The following TENM1 variants were observed in gnomAD, a reference collection of about 807,000 sequenced individuals.
TENM1 encodes the protein teneurin transmembrane protein 1, also known as teneurin-1.
TENM1 carries 35 observed loss-of-function variants against 174.8 expected under a neutral mutation model. That is an observed-to-expected ratio of 0.20 (90% CI 0.15 to 0.27). The LOEUF (loss-of-function observed/expected upper bound fraction) is 0.27, where lower values mean the gene tolerates loss of function less well. TENM1 is among the 10% of genes least tolerant of loss of function. The probability of loss-of-function intolerance (pLI) is 1.00; values close to 1 mark genes in which losing one functional copy is unlikely to be tolerated. For missense variants in TENM1, 1,633 were observed against 2,130.1 expected (o/e 0.77, Z 4.59); for synonymous variants, 781 against 798.7 (o/e 0.98, Z 0.37).
the TENM1 span, among the ~76,000 whole-genome samples, chrX:125,164,535 T>A: frequency 8.9e-6 from 1 of 112,111 alleles, no homozygotes; most frequent in Non-Finnish European, 1.9e-5. Context: ...TGTATTGCAC[T>A]TAAGTCTAAA....
the TENM1 span, among the ~76,000 whole-genome samples, chrX:124,997,777 G>C: frequency 4.5e-5 from 5 of 110,405 alleles, no homozygotes; most frequent in South Asian, 1.9e-3. Context: ...GAGGAGACCT[G>C]AACACAAATT....
the TENM1 span, among the ~76,000 whole-genome samples, chrX:125,117,328 A>C: frequency 9.0e-6 from 1 of 111,515 alleles, no homozygotes; most frequent in African/African-American, 3.3e-5. Context: ...CAGACTGGAT[A>C]AAGAAAATGT....
At chrX:125,090,872 A>C in the TENM1 span, among the ~76,000 whole-genome samples, 1 of 111,828 alleles carries the variant, frequency 8.9e-6, no homozygotes, top group Non-Finnish European at 1.9e-5. Flanking sequence ...GCATGGTATG[A>C]CCAGAAAACA....
At chrX:125,086,059 T>C in the TENM1 span, among the ~76,000 whole-genome samples, 1 of 111,085 alleles carries the variant, frequency 9.0e-6, no homozygotes, top group Admixed American at 9.6e-5. Context: ...TTATGGTTTA[T>C]ACTTGCCTCC....
At chrX:125,073,031 A>G in the TENM1 span, among the ~76,000 whole-genome samples, 1 of 111,314 alleles carries the variant, frequency 9.0e-6, no homozygotes, top group Admixed American at 9.6e-5. Context: ...CTACACAAAT[A>G]TCAAATATAT....
chrX:125,048,550 C>A, the TENM1 span, among the ~76,000 whole-genome samples: 1 of 111,152 alleles, frequency 9.0e-6, no homozygotes, highest in East Asian at 2.8e-4. Flanking sequence ...TATCAATCTA[C>A]CACCATAGAG....
the TENM1 span, among the ~76,000 whole-genome samples, chrX:125,038,410 T>C: frequency 2.7e-5 from 3 of 110,747 alleles, no homozygotes; most frequent in Non-Finnish European, 5.7e-5. Context: ...CCAAACCTCA[T>C]TGATATAGTC....
chrX:124,623,882 C>T (rs936458828), intron 11 of TENM1, among the ~76,000 whole-genome samples: 7 of 111,719 alleles, frequency 6.3e-5, no homozygotes, highest in African/African-American at 2.3e-4. Context: ...CCAGACCACC[C>T]TTGAAGTTGC....
At chrX:124,843,927 T>G (rs2056555049) in intron 3 of TENM1, among the ~76,000 whole-genome samples, 1 of 111,858 alleles carries the variant, frequency 8.9e-6, no homozygotes, top group Non-Finnish European at 1.9e-5. Flanking sequence ...TTCTATGCCG[T>G]AGGAATGCAA....
At chrX:124,651,107 T>C (rs2051297706) in intron 8 of TENM1, among the ~76,000 whole-genome samples, 1 of 112,223 alleles carries the variant, frequency 8.9e-6, no homozygotes, top group Non-Finnish European at 1.9e-5. Flanking sequence ...AATATTTTCT[T>C]GTCTTTTAAA....
At chrX:124,981,001 T>C in the TENM1 span, among the ~76,000 whole-genome samples, 1 of 112,367 alleles carries the variant, frequency 8.9e-6, no homozygotes, top group South Asian at 3.7e-4. Context: ...CATGTTCATA[T>C]AGATGTGTGG....
chrX:124,788,775 C>T (rs901132545), intron 3 of TENM1, among the ~76,000 whole-genome samples: 1 of 112,610 alleles, frequency 8.9e-6, no homozygotes, highest in African/African-American at 3.2e-5. Flanking sequence ...GTATAGCCCC[C>T]CTCATGGCTG....
At chrX:124,470,978 T>C (rs1479813530) in intron 22 of TENM1, among the ~76,000 whole-genome samples, 2 of 106,138 alleles carry the variant, frequency 1.9e-5, no homozygotes, top group Non-Finnish European at 1.9e-5. Context: ...ATATCTGGTC[T>C]TTTGTTGAAT....
the TENM1 span, among the ~76,000 whole-genome samples, chrX:124,995,815 G>C: frequency 9.0e-6 from 1 of 110,815 alleles, no homozygotes; most frequent in African/African-American, 3.3e-5. Flanking sequence ...AGTTCCTTTT[G>C]AAAAAAAGTT....
chrX:125,133,585 C>T, the TENM1 span, among the ~76,000 whole-genome samples: 2 of 111,142 alleles, frequency 1.8e-5, no homozygotes, highest in African/African-American at 6.5e-5. Context: ...AAGTCCTTGT[C>T]TCCTCCCCTC....
chrX:124,387,314 T>C (rs2147599942), intron 28 of TENM1, among the ~76,000 whole-genome samples: 1 of 111,139 alleles, frequency 9.0e-6, no homozygotes, highest in African/African-American at 3.3e-5. Context: ...CTTGTTTTAA[T>C]TCTAAATGCA....
At chrX:124,525,883 A>G (rs753898534) in intron 16 of TENM1, among the ~76,000 whole-genome samples, 1 of 112,342 alleles carries the variant, frequency 8.9e-6, no homozygotes, top group South Asian at 3.7e-4. Flanking sequence ...TAGGAACTCA[A>G]CAACTGTTAC....
At chrX:124,728,054 A>G (rs376426197) in intron 4 of TENM1, among the ~76,000 whole-genome samples, 1 of 111,241 alleles carries the variant, frequency 9.0e-6, no homozygotes, top group African/African-American at 3.3e-5. Flanking sequence ...ACAGAATTTT[A>G]TCAAGCAGTC....
chrX:124,607,881 G>T (rs1958814686), intron 11 of TENM1, among the ~76,000 whole-genome samples: 2 of 111,407 alleles, frequency 1.8e-5, no homozygotes, highest in African/African-American at 6.5e-5. Context: ...GAAATGGTCA[G>T]ATTCTGGATA....
Sources: allele counts gnomAD v4.1 joint callset (sites outside exome capture counted in the v4.1 genomes callset), GRCh38; gene constraint gnomAD v4.1.1; transcripts MANE v1.5; gene names NCBI Gene and HGNC (gene_info 2026-07-23, HGNC 2026-07-21).